The following DLG2 variants were observed in gnomAD, a reference collection of about 807,000 sequenced individuals.
DLG2 encodes the protein disks large homolog 2.
A neutral mutation model predicts 132.5 loss-of-function variants in DLG2; 45 were observed. That is an observed-to-expected ratio of 0.34 (90% CI 0.27 to 0.44). The LOEUF (loss-of-function observed/expected upper bound fraction) is 0.44. DLG2 is among the 20% of genes least tolerant of loss of function. The pLI, the probability that DLG2 is intolerant of heterozygous loss-of-function variation, is 1.00. For synonymous variants in DLG2, 424 were observed against 419.6 expected (o/e 1.01, Z -0.13); for missense variants, 1,045 against 1,196.9 (o/e 0.87, Z 1.87).
chr11:84,485,622 C>A (rs2099148720), intron 7 of DLG2, among the ~76,000 whole-genome samples: 1 of 152,130 alleles, frequency 6.6e-6, no homozygotes. Flanking sequence ...CATCATTTGC[C>A]TGTGTTTTTC....
intron 3 of DLG2, among the ~76,000 whole-genome samples, chr11:85,311,405 C>T (rs1051407920): frequency 6.6e-6 from 1 of 152,166 alleles, no homozygotes; most frequent in African/African-American, 2.4e-5. Flanking sequence ...GTTTAAATAA[C>T]TTGCCATGGT....
intron 8 of DLG2, among the ~76,000 whole-genome samples, chr11:84,202,916 C>A (rs1002224897): frequency 5.3e-5 from 8 of 152,128 alleles, no homozygotes; most frequent in African/African-American, 1.9e-4. Context: ...CAATGAGATA[C>A]CATCTCACGC....
At chr11:84,851,129 C>G (rs2082118937) in intron 6 of DLG2, among the ~76,000 whole-genome samples, 1 of 152,016 alleles carries the variant, frequency 6.6e-6, no homozygotes. Flanking sequence ...CCCAGAATAC[C>G]TCCATATGCT....
intron 9 of DLG2, among the ~76,000 whole-genome samples, chr11:84,159,295 T>C (rs907428337): frequency 6.6e-6 from 1 of 152,196 alleles, no homozygotes; most frequent in African/African-American, 2.4e-5. Context: ...ACATTTCAGA[T>C]ACTGGTGAGT....
At chr11:85,515,471 T>C (rs888232095) in intron 3 of DLG2, among the ~76,000 whole-genome samples, 1 of 152,016 alleles carries the variant, frequency 6.6e-6, no homozygotes, top group Non-Finnish European at 1.5e-5. Flanking sequence ...CTTTTCATTT[T>C]GTAAACCTCT....
intron 8 of DLG2, among the ~76,000 whole-genome samples, chr11:84,196,872 A>G (rs2096526027): frequency 6.6e-6 from 1 of 151,850 alleles, no homozygotes; most frequent in Non-Finnish European, 1.5e-5. Context: ...AAACAACTCT[A>G]CTAAAAATAC....
At chr11:84,246,838 C>A (rs2154347449) in intron 8 of DLG2, among the ~76,000 whole-genome samples, 1 of 152,162 alleles carries the variant, frequency 6.6e-6, no homozygotes, top group Admixed American at 6.5e-5. Context: ...GCTGTCCTAG[C>A]TAACTGATAG....
chr11:84,118,158 G>A (rs1271514316), intron 9 of DLG2, among the ~76,000 whole-genome samples: 1 of 152,054 alleles, frequency 6.6e-6, no homozygotes, highest in Non-Finnish European at 1.5e-5. Flanking sequence ...CCACCCAGCT[G>A]GCTTTATCTT....
chr11:84,479,571 C>T (rs2099131211), intron 7 of DLG2, among the ~76,000 whole-genome samples: 1 of 151,930 alleles, frequency 6.6e-6, no homozygotes, highest in African/African-American at 2.4e-5. Flanking sequence ...GATGATTTGT[C>T]CTTAAATTAT....
intron 6 of DLG2, among the ~76,000 whole-genome samples, chr11:85,110,833 C>A (rs1037829069): frequency 6.6e-6 from 1 of 152,094 alleles, no homozygotes; most frequent in Admixed American, 6.6e-5. Flanking sequence ...CCATTGCCTA[C>A]AAGGGGAGTC....
chr11:84,784,935 G>C (rs2072601988), intron 6 of DLG2, among the ~76,000 whole-genome samples: 1 of 152,066 alleles, frequency 6.6e-6, no homozygotes, highest in Middle Eastern at 3.2e-3. Context: ...AAAGCCAAGA[G>C]AGTTGGTGTA....
At chr11:83,497,291 C>T (rs2094195673) in intron 21 of DLG2, among the ~76,000 whole-genome samples, 1 of 152,108 alleles carries the variant, frequency 6.6e-6, no homozygotes, top group Admixed American at 6.5e-5. Context: ...GCCTGTAATC[C>T]CAGCACTTTG....
At chr11:85,242,392 T>A (rs747730765) in intron 4 of DLG2, among the ~76,000 whole-genome samples, 2 of 151,952 alleles carry the variant, frequency 1.3e-5, no homozygotes, top group Non-Finnish European at 2.9e-5. Context: ...CATTCCAGTC[T>A]AGTATTTTGT....
chr11:83,767,998 CG>C (rs1265865521), intron 18 of DLG2, among the ~76,000 whole-genome samples: 16 of 152,108 alleles, frequency 1.1e-4, no homozygotes, highest in Non-Finnish European at 2.1e-4. Flanking sequence ...CTTCATAAGA[CG>C]TAAGTTTGAT....
intron 6 of DLG2, among the ~76,000 whole-genome samples, chr11:85,078,120 A>C (rs935127925): frequency 6.6e-6 from 1 of 151,290 alleles, no homozygotes; most frequent in East Asian, 1.9e-4. Flanking sequence ...ATAGTAAAAA[A>C]CCGTGCAAAA....
chr11:84,854,785 C>T (rs747084824), intron 6 of DLG2, among the ~76,000 whole-genome samples: 1 of 151,976 alleles, frequency 6.6e-6, no homozygotes, highest in African/African-American at 2.4e-5. Flanking sequence ...CCTACCCACC[C>T]ATGAATTGTG....
intron 6 of DLG2, among the ~76,000 whole-genome samples, chr11:84,834,533 C>A (rs1017505443): frequency 1.3e-5 from 2 of 150,990 alleles, no homozygotes; most frequent in Non-Finnish European, 3.0e-5. Flanking sequence ...ATTAGGCAGG[C>A]AGAAAAGAAC....
At chr11:85,171,302 A>G (rs1168494987) in intron 4 of DLG2, among the ~76,000 whole-genome samples, 1 of 152,164 alleles carries the variant, frequency 6.6e-6, no homozygotes, top group African/African-American at 2.4e-5. Context: ...ACGGAGCAGC[A>G]CAGAGCCAGG....
chr11:83,922,130 A>G (rs1406041845), intron 15 of DLG2, among the ~76,000 whole-genome samples: 1 of 152,174 alleles, frequency 6.6e-6, no homozygotes. Context: ...TGAATTCTTA[A>G]TGAAAGAATA....
Sources: gnomAD v4.1 joint callset for allele counts (sites outside exome capture counted in the v4.1 genomes callset) on GRCh38, gnomAD v4.1.1 for gene constraint, MANE v1.5 for transcripts, NCBI Gene and HGNC (gene_info 2026-07-23, HGNC 2026-07-21) for gene names.